The following CAMTA1 variants were observed in gnomAD, a reference collection of about 807,000 sequenced individuals.
CAMTA1 encodes calmodulin-binding transcription activator 1.
CAMTA1 carries 27 observed loss-of-function variants against 170.9 expected under a neutral mutation model. That is an observed-to-expected ratio of 0.16 (90% CI 0.12 to 0.22). The LOEUF (loss-of-function observed/expected upper bound fraction) is 0.22, where lower values mean the gene tolerates loss of function less well. Among genes scored for constraint, CAMTA1 ranks in the 10% least tolerant of loss-of-function variants. The probability of loss-of-function intolerance (pLI) is 1.00; values close to 1 mark genes in which losing one functional copy is unlikely to be tolerated. For synonymous variants in CAMTA1, 833 were observed against 891.5 expected, an observed-to-expected ratio of 0.93 and a Z score of 1.17; for missense variants, 1,619 against 2,217.2, an observed-to-expected ratio of 0.73 and a Z score of 5.42.
intron 6 of CAMTA1, among the ~76,000 whole-genome samples, chr1:7,543,010 G>A (rs140346238): frequency 2.6e-5 from 4 of 152,126 alleles, no homozygotes; most frequent in African/African-American, 7.2e-5. Context: ...GACTACAGGC[G>A]CCCTCCACTA....
intron 3 of CAMTA1, among the ~76,000 whole-genome samples, chr1:7,052,564 C>T (rs562754789): frequency 6.6e-6 from 1 of 152,288 alleles, no homozygotes. Flanking sequence ...AGCTCAGATT[C>T]CACAGGTCCC....
Position 7,322,535 on chromosome 1 carries a change from C to G in CAMTA1, c.438+72909C>G, listed in dbSNP as rs116068283. On this transcript the variant is annotated intron_variant, in intron 5 of 22. Transcript: ENST00000303635. ...TATGGGCAACTGTGGCAATAGCCAT[C>G]CAATCCCATCATCCCAACAAGAATT... Among the ~76,000 whole-genome samples the G allele has an allele frequency of 1.5e-3, 231 of 152,372 alleles. 1 individual carries two copies. The highest frequency in any genetic ancestry group is 3.9e-3 in the South Asian group (19 of 4,832).
At position 7,588,338 on chromosome 1, in the gene CAMTA1, C is replaced by T. The variant is rs1246670073; in HGVS notation, c.511-52062C>T. 1.3e-5 allele frequency among the ~76,000 whole-genome samples: 2 copies of T among 151,062 alleles called. No homozygotes were observed. Among genetic ancestry groups the T allele is most frequent in the African/African-American group, 5.0e-5 (2 of 40,328 alleles). ...GTCTGGTGAGAGGTGGCTCTGCAGT[C>T]TGGAGCCCTTTGCTCTGCCACACAC... On this transcript the variant is annotated intron_variant, in intron 6 of 22. Transcript: ENST00000303635. This position sits in a 1 kb window ranked among gnomAD's most constrained non-coding sequence, Gnocchi z 5.8.
intron 5 of CAMTA1, among the ~76,000 whole-genome samples, chr1:7,440,871 C>G (rs2092507277): frequency 6.6e-6 from 1 of 152,230 alleles, no homozygotes; most frequent in South Asian, 2.1e-4. Context: ...TAAGACAGGA[C>G]AAGCTTAGTG....
At position 7,582,441 on chromosome 1, in the gene CAMTA1, T is replaced by C. The variant is rs190066527; in HGVS notation, c.511-57959T>C. Among the ~76,000 whole-genome samples the C allele has an allele frequency of 8.1e-4, 123 of 152,288 alleles. 1 individual carries two copies. Among genetic ancestry groups the C allele is most frequent in the African/African-American group, 2.7e-3 (111 of 41,576 alleles). On this transcript the variant is annotated intron_variant, in intron 6 of 22. Transcript: ENST00000303635. Reference sequence around the variant, plus strand: ...AGATCTGCCTGGGCTCTGGATTCTCTGGGGTTGGGTTCAGCTGTGAGTGGC... The same window carrying C: ...AGATCTGCCTGGGCTCTGGATTCTCCGGGGTTGGGTTCAGCTGTGAGTGGC...
rs1187966500 is a variant in CAMTA1, at chr1:7,635,001, C to CT, written c.511-5398dup. On this transcript the variant is annotated intron_variant, in intron 6 of 22. Coordinates refer to ENST00000303635, the MANE Select transcript of CAMTA1 (RefSeq NM_015215.4). The surrounding 1 kb of genome is among the most constrained non-coding windows in gnomAD (Gnocchi z 4.4). ...TCTTCCAGAAGGCTGTGGAACTTCT[C>CT]TGAGACTTTTACTTATCCTTGGCTT... Among the ~76,000 whole-genome samples, 1 of 152,206 alleles carries CT rather than the reference C, an allele frequency of 6.6e-6. No homozygotes were observed. Among genetic ancestry groups the CT allele is most frequent in the Non-Finnish European group, 1.5e-5 (1 of 68,044 alleles).
At chr1:7,480,520 C>T (rs1309735001) in intron 6 of CAMTA1, among the ~76,000 whole-genome samples, 1 of 152,058 alleles carries the variant, frequency 6.6e-6, no homozygotes, top group Non-Finnish European at 1.5e-5. Context: ...CCCGATGAGG[C>T]TCTTGGAGAG....
intron 11 of CAMTA1, among the ~76,000 whole-genome samples, chr1:7,730,922 CTCTCTCTATA>C (rs933385464): frequency 1.8e-4 from 19 of 106,612 alleles, no homozygotes; most frequent in Non-Finnish European, 3.5e-4. Flanking sequence ...CTCTCTCTCT[CTCTCTCTATA>C]TATATATATA....
At chr1:7,128,015 G>C (rs1645032222) in intron 4 of CAMTA1, among the ~76,000 whole-genome samples, 3 of 152,188 alleles carry the variant, frequency 2.0e-5, no homozygotes. Flanking sequence ...TTCCTTCTTG[G>C]GGTGTGGAAT....
chr1:6,992,007 T>G (rs1005647911), intron 3 of CAMTA1, among the ~76,000 whole-genome samples: 2 of 151,666 alleles, frequency 1.3e-5, no homozygotes, highest in Non-Finnish European at 2.9e-5. Flanking sequence ...CGGCTTTTGT[T>G]TATTGTTATA....
At position 7,568,489 on chromosome 1, in the gene CAMTA1, A is replaced by G. The variant is rs536850541; in HGVS notation, c.511-71911A>G. On this transcript the variant is annotated intron_variant, in intron 6 of 22. Coordinates refer to ENST00000303635, the MANE Select transcript of CAMTA1 (RefSeq NM_015215.4). ...ACCAACAACCATCATCAACATCACCATCATCATCACCACATCACCATCACC... is the reference window on the plus strand; with the variant it reads ...ACCAACAACCATCATCAACATCACCGTCATCATCACCACATCACCATCACC... Among the ~76,000 whole-genome samples, 105 of 150,660 alleles carry G rather than the reference A, an allele frequency of 7.0e-4. 1 individual carries two copies. In the South Asian group the frequency reaches 0.021, roughly 31 times the overall value.
chr1:7,714,661 C>T lies in CAMTA1; in HGVS notation c.2915-17787C>T, dbSNP rs762738465. On this transcript the variant is annotated intron_variant, in intron 11 of 22. Transcript: ENST00000303635. ...CTCAGCCTCCCGAGTAGCTGGGACT[C>T]CAGGTGCGTGTCACCACACCTGGCT... Among the ~76,000 whole-genome samples the T allele has an allele frequency of 6.6e-5, 10 of 152,096 alleles. 1 individual carries two copies. In the South Asian group the frequency reaches 1.0e-3, roughly 16 times the overall value.
chr1:6,826,712 T>C (rs1031924772), intron 3 of CAMTA1, among the ~76,000 whole-genome samples: 2 of 152,234 alleles, frequency 1.3e-5, no homozygotes, highest in African/African-American at 2.4e-5. Flanking sequence ...TTATTTATTT[T>C]ATTTTTTCCC....
intron 3 of CAMTA1, among the ~76,000 whole-genome samples, chr1:6,947,547 ATT>A (rs34801355): frequency 7.0e-6 from 1 of 143,546 alleles, no homozygotes. Flanking sequence ...TGCCTGACTA[ATT>A]TTTTTTTTTT....
chr1:7,299,553 C>T lies in CAMTA1; in HGVS notation c.438+49927C>T, dbSNP rs779780237. On this transcript the variant is annotated intron_variant, in intron 5 of 22. Transcript: ENST00000303635. This position sits in a 1 kb window ranked among gnomAD's most constrained non-coding sequence, Gnocchi z 4.7. ...AGCTTCCAACCTCGCAATGAGCCAG[C>T]GGCTCCCCGGAGTCAGACGCTGGCC... Among the ~76,000 whole-genome samples, 6 of 152,214 alleles carry T rather than the reference C, an allele frequency of 3.9e-5. No homozygotes were observed. Among genetic ancestry groups the T allele is most frequent in the Admixed American group, 1.3e-4 (2 of 15,290 alleles).
In CAMTA1 at chr1:6,858,442, T is replaced by TGTGGTG. The variant is rs142635550; in HGVS notation, c.234+33257_234+33262dup. The stretch of plus-strand genomic sequence containing the variant: ...TCAGCATTATCCTTAAAGTGGTGTG[T>TGTGGTG]GTGGTGGTGGTGGTGGTGGTGGTGG... On this transcript the variant is annotated intron_variant, in intron 3 of 22. Coordinates refer to ENST00000303635, the MANE Select transcript of CAMTA1 (RefSeq NM_015215.4). Among the ~76,000 whole-genome samples the TGTGGTG allele has an allele frequency of 1.1e-3, 124 of 113,796 alleles. 1 individual carries two copies. In the East Asian group the frequency reaches 0.024, roughly 22 times the overall value. 74.7% of individuals were successfully genotyped at this position (113,796 alleles called of 152,430 possible).
At position 7,293,783 on chromosome 1, in the gene CAMTA1, G is replaced by A. The variant is rs566343975; in HGVS notation, c.438+44157G>A. ...GGTTCTTGTAATGTTGCTGCCTCCC[G>A]ATGGCTGCCCAGGGTTTCCAGCTCT... is the stretch of plus-strand genomic sequence containing the variant. On this transcript the variant is annotated intron_variant, in intron 5 of 22. Coordinates refer to ENST00000303635, the MANE Select transcript of CAMTA1 (RefSeq NM_015215.4). This position sits in a 1 kb window ranked among gnomAD's most constrained non-coding sequence, Gnocchi z 4.1. 4.6e-5 allele frequency among the ~76,000 whole-genome samples: 7 copies of A among 152,192 alleles called. No individual in the cohort carries two copies. Among genetic ancestry groups the A allele is most frequent in the African/African-American group, 9.7e-5 (4 of 41,450 alleles).
At chr1:7,568,678 A>C (rs1231643897) in intron 6 of CAMTA1, among the ~76,000 whole-genome samples, 33 of 85,990 alleles carry the variant, frequency 3.8e-4, no homozygotes, top group Admixed American at 8.9e-4. Context: ...ATTGTCACCA[A>C]ATCACCATCA....
intron 6 of CAMTA1, among the ~76,000 whole-genome samples, chr1:7,571,337 T>A (rs1054861948): frequency 6.6e-6 from 1 of 152,222 alleles, no homozygotes; most frequent in Non-Finnish European, 1.5e-5. Flanking sequence ...CTTTACACTT[T>A]TTATGGTTTA....
Sources: allele counts gnomAD v4.1 joint callset (sites outside exome capture counted in the v4.1 genomes callset), GRCh38; gene constraint gnomAD v4.1.1; non-coding constraint Gnocchi (gnomAD v3.1); transcripts MANE v1.5; gene names NCBI Gene and HGNC (gene_info 2026-07-23, HGNC 2026-07-21).